The following RGPD5 variants were observed in gnomAD, a reference collection of about 807,000 sequenced individuals.
The protein encoded by RGPD5 is RANBP2 like and GRIP domain containing 5.
chr2:109,762,087 T>TA, the RGPD5 span, among the ~76,000 whole-genome samples: 1 of 144,298 alleles, frequency 6.9e-6, no homozygotes, highest in Non-Finnish European at 1.5e-5. Flanking sequence ...CGGTTTCTTA[T>TA]AAAAGATCCT....
chr2:109,764,044 TACTC>T, the RGPD5 span, among the ~76,000 whole-genome samples: 1 of 145,724 alleles, frequency 6.9e-6, no homozygotes, highest in Non-Finnish European at 1.5e-5. Context: ...CATCCATACT[TACTC>T]TTCAGGATGG....
chr2:109,760,911 C>G, the RGPD5 span, among the ~76,000 whole-genome samples: 1 of 134,842 alleles, frequency 7.4e-6, no homozygotes, highest in Non-Finnish European at 1.6e-5. Flanking sequence ...GCCTGCCTCG[C>G]CAGCCCTTTT....
the RGPD5 span, among the ~76,000 whole-genome samples, chr2:109,760,889 T>G: frequency 8.7e-4 from 56 of 64,414 alleles, no homozygotes; most frequent in African/African-American, 1.3e-3. Flanking sequence ...GGGGGTGGGG[T>G]GGGTCGGGGG....
the RGPD5 span, among the ~76,000 whole-genome samples, chr2:109,764,687 C>A: frequency 1.4e-5 from 2 of 145,412 alleles, no homozygotes; most frequent in Non-Finnish European, 3.0e-5. Context: ...ACAAAGGCTT[C>A]CATGAAATAG....
the RGPD5 span, among the ~76,000 whole-genome samples, chr2:109,766,838 C>G: frequency 1.0e-3 from 150 of 150,206 alleles, 3 homozygotes; most frequent in African/African-American, 3.6e-3. Flanking sequence ...GTGGCAAAAT[C>G]GAGGCCCCGT....
chr2:109,761,481 A>G, the RGPD5 span, among the ~76,000 whole-genome samples: 1 of 148,486 alleles, frequency 6.7e-6, no homozygotes, highest in African/African-American at 2.5e-5. Context: ...CCACGCTCAC[A>G]GCTCGCAGCC....
the RGPD5 span, among the ~76,000 whole-genome samples, chr2:109,766,462 T>C: frequency 2.0e-5 from 3 of 149,970 alleles, no homozygotes; most frequent in African/African-American, 4.9e-5. Flanking sequence ...ACCCAGGGAG[T>C]GTGCACCTTA....
At chr2:109,767,240 A>G in the RGPD5 span, among the ~76,000 whole-genome samples, 1 of 147,610 alleles carries the variant, frequency 6.8e-6, no homozygotes, top group Non-Finnish European at 1.5e-5. Flanking sequence ...ATAAGGTCAG[A>G]TTCAGCAGTC....
At chr2:109,771,119 C>T in the RGPD5 span, among the ~76,000 whole-genome samples, 1 of 4,600 alleles carries the variant, frequency 2.2e-4, no homozygotes, top group Non-Finnish European at 4.0e-4. Flanking sequence ...GGATACAGCT[C>T]TAGCAACCCT....
the RGPD5 span, among the ~76,000 whole-genome samples, chr2:109,769,701 CA>C: frequency 1.2e-5 from 1 of 80,970 alleles, no homozygotes; most frequent in South Asian, 4.4e-4. Context: ...GTTCTTGCAA[CA>C]GTGTTTAGCA....
chr2:109,794,596 C>CCTCGGCCCCGGCCCGGCCGGGG (rs1676858753), intron 1 of RGPD5, 59 bp downstream of exon 1: 2 of 903,066 alleles, frequency 2.2e-6, no homozygotes, highest in African/African-American at 4.2e-5. Context: ...GCGGCGGCGG[C>CCTCGGCCCCGGCCCGGCCGGGG]GGCGGCGGCG....
chr2:109,774,539 A>AT, the RGPD5 span, among the ~76,000 whole-genome samples: 1 of 95,608 alleles, frequency 1.0e-5, no homozygotes, highest in South Asian at 3.4e-4. Context: ...TATTATATAT[A>AT]AAATATATAT....
the RGPD5 span, among the ~76,000 whole-genome samples, chr2:109,766,407 G>T: frequency 6.6e-6 from 1 of 150,532 alleles, no homozygotes; most frequent in Admixed American, 6.8e-5. Context: ...GAGAACTTGG[G>T]GACTCCAGCT....
the RGPD5 span, among the ~76,000 whole-genome samples, chr2:109,765,832 C>T: frequency 1.1e-4 from 17 of 150,840 alleles, no homozygotes; most frequent in Non-Finnish European, 1.9e-4. Flanking sequence ...AGGGGACATG[C>T]GCAGGCCAGT....
At chr2:109,763,822 C>T in the RGPD5 span, among the ~76,000 whole-genome samples, 2 of 149,074 alleles carry the variant, frequency 1.3e-5, no homozygotes, top group Non-Finnish European at 3.0e-5. Context: ...CATCATTTTC[C>T]AATTGAACAA....
the RGPD5 span, among the ~76,000 whole-genome samples, chr2:109,764,628 T>C: frequency 6.7e-6 from 1 of 148,404 alleles, no homozygotes; most frequent in African/African-American, 2.5e-5. Flanking sequence ...AAAGAGACCA[T>C]ATTTGGGACT....
At chr2:109,762,969 T>C in the RGPD5 span, among the ~76,000 whole-genome samples, 2 of 143,206 alleles carry the variant, frequency 1.4e-5, no homozygotes, top group Non-Finnish European at 3.0e-5. Flanking sequence ...ATGTTCTCAG[T>C]TTTATGGTTT....
At chr2:109,761,576 C>T in the RGPD5 span, among the ~76,000 whole-genome samples, 2 of 148,466 alleles carry the variant, frequency 1.3e-5, no homozygotes, top group Non-Finnish European at 3.0e-5. Context: ...CAGTTTAATT[C>T]CAGTTGCGGG....
chr2:109,766,118 A>C, the RGPD5 span, among the ~76,000 whole-genome samples: 1 of 150,610 alleles, frequency 6.6e-6, no homozygotes, highest in African/African-American at 2.4e-5. Flanking sequence ...ACACTGGCCG[A>C]AGGTCACCGT....
Sources: gnomAD v4.1 joint callset for allele counts (sites outside exome capture counted in the v4.1 genomes callset) on GRCh38, gnomAD v4.1.1 for gene constraint, MANE v1.5 for transcripts, NCBI Gene and HGNC (gene_info 2026-07-23, HGNC 2026-07-21) for gene names.